Variants in STARD13 observed in about 807,000 individuals in gnomAD.
STARD13 encodes StAR related lipid transfer domain containing 13.
Under a neutral mutation model 106.4 loss-of-function variants are expected in STARD13, and 62 were observed. The observed-to-expected ratio is 0.58, with a 90% CI of 0.48 to 0.72. STARD13 has a LOEUF of 0.72. Among genes scored for constraint, STARD13 ranks in the 30% least tolerant of loss-of-function variants. The pLI, the probability that STARD13 is intolerant of heterozygous loss-of-function variation, is 0.00. For missense variants in STARD13, 1,387 were observed against 1,424.0 expected (o/e 0.97, Z 0.42); for synonymous variants, 565 against 553.0 (o/e 1.02, Z -0.31).
At position 33,130,965 on chromosome 13, in the gene STARD13, A is replaced by T. The variant is rs75704046; in HGVS notation, c.388-676T>A. Among the ~76,000 whole-genome samples, 1,421 of 152,352 alleles carry T rather than the reference A, an allele frequency of 9.3e-3. 23 individuals are homozygous for T. The highest frequency in any genetic ancestry group is 0.033 in the African/African-American group (1,355 of 41,578). On this transcript the variant is annotated intron_variant, in intron 4 of 13. Coordinates refer to ENST00000336934, the MANE Select transcript of STARD13 (RefSeq NM_178006.4). The surrounding 1 kb of genome is among the most constrained non-coding windows in gnomAD (Gnocchi z 4.1). ...TTTTCTGTGGAATCAACTCCGAGTC[A>T]GAATGCCGTTGGCAGGACGCACACC...
chr13:33,192,808 C>T (rs1233392568), intron 1 of STARD13, among the ~76,000 whole-genome samples: 7 of 151,892 alleles, frequency 4.6e-5, no homozygotes, highest in African/African-American at 7.3e-5. Context: ...TGAGGCAGGA[C>T]GATTGCTTGA....
At chr13:33,538,056 T>C in the STARD13 span, among the ~76,000 whole-genome samples, 5 of 152,038 alleles carry the variant, frequency 3.3e-5, no homozygotes, top group Non-Finnish European at 7.4e-5. Context: ...AAACAAAAAG[T>C]ATTGACACTA....
chr13:33,601,034 A>G, the STARD13 span, among the ~76,000 whole-genome samples: 2 of 152,146 alleles, frequency 1.3e-5, no homozygotes, highest in South Asian at 2.1e-4. Context: ...TTTCATTAAC[A>G]TGGGAATTCT....
chr13:33,127,948 CAG>C (rs996020174), intron 5 of STARD13, among the ~76,000 whole-genome samples: 3 of 148,556 alleles, frequency 2.0e-5, no homozygotes, highest in Non-Finnish European at 3.0e-5. Context: ...GAGACGGAGA[CAG>C]GGAGATATAG....
chr13:33,508,752 A>C, the STARD13 span, among the ~76,000 whole-genome samples: 3 of 152,222 alleles, frequency 2.0e-5, no homozygotes, highest in Non-Finnish European at 4.4e-5. Flanking sequence ...ATATACAGTC[A>C]TGTGTTGCTT....
the STARD13 span, among the ~76,000 whole-genome samples, chr13:33,622,159 A>G: frequency 1.3e-5 from 2 of 152,194 alleles, no homozygotes; most frequent in Non-Finnish European, 2.9e-5. Context: ...AAATCAACCA[A>G]TTCCACCAAA....
the STARD13 span, among the ~76,000 whole-genome samples, chr13:33,519,035 C>T: frequency 6.6e-6 from 1 of 151,962 alleles, no homozygotes; most frequent in Non-Finnish European, 1.5e-5. Context: ...CCTGCTAAGT[C>T]AGCTTAACAA....
At chr13:33,650,182 T>G in the STARD13 span, among the ~76,000 whole-genome samples, 2 of 85,216 alleles carry the variant, frequency 2.3e-5, no homozygotes, top group Admixed American at 2.3e-4. Flanking sequence ...TTTTTTTTTT[T>G]TTTTTTTTTT....
At chr13:33,420,090 A>T in the STARD13 span, among the ~76,000 whole-genome samples, 1 of 152,220 alleles carries the variant, frequency 6.6e-6, no homozygotes, top group Admixed American at 6.5e-5. Context: ...TGTGAATTGA[A>T]TTCACAAATA....
chr13:33,143,588 T>C (rs1316814800), intron 3 of STARD13, among the ~76,000 whole-genome samples: 1 of 151,880 alleles, frequency 6.6e-6, no homozygotes, highest in Non-Finnish European at 1.5e-5. Context: ...AGTCTCACTC[T>C]GTTGCTCAGG....
intron 1 of STARD13, among the ~76,000 whole-genome samples, chr13:33,182,814 A>T (rs1453698351): frequency 6.6e-6 from 1 of 152,088 alleles, no homozygotes; most frequent in East Asian, 1.9e-4. Context: ...ACGTGAAACT[A>T]TGTTCATTCT....
the STARD13 span, among the ~76,000 whole-genome samples, chr13:33,523,186 G>A: frequency 1.3e-4 from 20 of 152,144 alleles, no homozygotes; most frequent in East Asian, 3.5e-3. Flanking sequence ...GAAGATGGGA[G>A]GAGGAAGAAA....
intron 1 of STARD13, among the ~76,000 whole-genome samples, chr13:33,240,272 T>C (rs973571708): frequency 6.6e-6 from 1 of 152,172 alleles, no homozygotes; most frequent in African/African-American, 2.4e-5. Flanking sequence ...TAACATACTG[T>C]TTTGATTACT....
At chr13:33,471,684 G>T in the STARD13 span, among the ~76,000 whole-genome samples, 1 of 146,788 alleles carries the variant, frequency 6.8e-6, no homozygotes, top group East Asian at 2.0e-4. Flanking sequence ...ATGGCCAACT[G>T]ATTTCATGCC....
chr13:33,219,018 G>A (rs925116582), intron 1 of STARD13, among the ~76,000 whole-genome samples: 2 of 152,132 alleles, frequency 1.3e-5, no homozygotes, highest in Non-Finnish European at 2.9e-5. Flanking sequence ...TCTACAGGGC[G>A]TCTTCCCTTT....
chr13:33,662,027 C>T, the STARD13 span, among the ~76,000 whole-genome samples: 2 of 152,020 alleles, frequency 1.3e-5, no homozygotes, highest in African/African-American at 4.8e-5. Flanking sequence ...CTCTGGGAGG[C>T]CGAGGTGGGC....
chr13:33,473,841 G>A, the STARD13 span, among the ~76,000 whole-genome samples: 1 of 152,142 alleles, frequency 6.6e-6, no homozygotes, highest in Non-Finnish European at 1.5e-5. Flanking sequence ...AGGTTCTTTT[G>A]TGGGCCCAGA....
chr13:33,529,147 C>G, the STARD13 span, among the ~76,000 whole-genome samples: 1 of 151,348 alleles, frequency 6.6e-6, no homozygotes. Context: ...TTGAATACTG[C>G]AAAAAAAAGG....
At chr13:33,118,298 C>T (rs1875714697) in intron 7 of STARD13, 35 bp from the exon 8 acceptor site, 3 of 1,590,108 alleles carry the variant, frequency 1.9e-6, no homozygotes, top group Non-Finnish European at 2.6e-6. Flanking sequence ...TCAGCCAGGC[C>T]ACACTTGGTT....
Sources: allele counts gnomAD v4.1 joint callset (sites outside exome capture counted in the v4.1 genomes callset), GRCh38; gene constraint gnomAD v4.1.1; non-coding constraint Gnocchi (gnomAD v3.1); transcripts MANE v1.5; gene names NCBI Gene and HGNC (gene_info 2026-07-23, HGNC 2026-07-21).